TRMT44: variants seen among roughly 807,000 people sequenced by gnomAD.
TRMT44 encodes probable tRNA (uracil-O(2)-)-methyltransferase.
In TRMT44, 78 loss-of-function variants were observed where a neutral mutation model predicts 77.3. The ratio of observed to expected loss-of-function variants is 1.01; its 90% CI spans 0.84 to 1.22. The LOEUF (loss-of-function observed/expected upper bound fraction) is 1.22, where lower values mean the gene tolerates loss of function less well. Among genes scored for constraint, TRMT44 ranks in the 50% most tolerant of loss-of-function variants. The pLI, the probability that TRMT44 is intolerant of heterozygous loss-of-function variation, is 0.00. For synonymous variants in TRMT44, 391 were observed against 383.3 expected (o/e 1.02, Z -0.23); for missense variants, 1,090 against 964.4 (o/e 1.13, Z -1.73).
chr4:8,486,611 C>T (rs975817560), intron 2 of TRMT44, among the ~76,000 whole-genome samples: 66 of 151,682 alleles, frequency 4.4e-4, no homozygotes, highest in Middle Eastern at 6.8e-3. Flanking sequence ...TAAAGCGTCT[C>T]GGGGTTGCTG....
intron 6 of TRMT44, among the ~76,000 whole-genome samples, chr4:8,455,156 C>G (rs1725725406): frequency 6.6e-6 from 1 of 152,174 alleles, no homozygotes; most frequent in African/African-American, 2.4e-5. Context: ...CCAAGGCCTC[C>G]CAAAGGCTGC....
intron 6 of TRMT44, among the ~76,000 whole-genome samples, chr4:8,462,144 C>G (rs571634999): frequency 3.2e-4 from 48 of 152,358 alleles, no homozygotes; most frequent in African/African-American, 1.1e-3. Flanking sequence ...GGTGTGGTGG[C>G]TCACGCCTGT....
Position 8,440,814 on chromosome 4 carries a change from C to G in TRMT44, c.-9C>G. On this transcript the variant is annotated 5_prime_UTR_variant, in exon 1 of 11. Coordinates refer to ENST00000389737, the MANE Select transcript of TRMT44 (RefSeq NM_152544.3). Reference sequence around the variant, plus strand: ...CGCCGCTGCCAGGGCTGTACACCTGCTGGCTGCCATGGCTGAGGTGGGCCG... The same window carrying G: ...CGCCGCTGCCAGGGCTGTACACCTGGTGGCTGCCATGGCTGAGGTGGGCCG... 5 of 1,445,830 alleles carry G rather than the reference C, an allele frequency of 3.5e-6. No homozygotes were observed. Among genetic ancestry groups the G allele is most frequent in the Non-Finnish European group, 4.5e-6 (5 of 1,102,680 alleles). The allele number at this position is 1,445,830 out of a possible 1,614,324, so 89.6% of individuals were successfully genotyped here.
chr4:8,488,073 G>A (rs1274659232), intron 2 of TRMT44, among the ~76,000 whole-genome samples: 2 of 152,196 alleles, frequency 1.3e-5, no homozygotes, highest in South Asian at 2.1e-4. Flanking sequence ...TTGAGTGATA[G>A]TGAGGGAGGT....
the TRMT44 span, among the ~76,000 whole-genome samples, chr4:8,504,023 C>T: frequency 2.2e-4 from 34 of 152,288 alleles, no homozygotes; most frequent in Middle Eastern, 3.4e-3. This position sits in a 1 kb window ranked among gnomAD's most constrained non-coding sequence, Gnocchi z 5.3. Context: ...CTGCAGTCCC[C>T]GCACCCGTCC....
chr4:8,447,923 A>G (rs1725167963), intron 2 of TRMT44, among the ~76,000 whole-genome samples: 1 of 152,150 alleles, frequency 6.6e-6, no homozygotes. Context: ...CACCTGGTGC[A>G]GGGCGGGGTT....
the TRMT44 span, among the ~76,000 whole-genome samples, chr4:8,502,631 G>A: frequency 6.6e-6 from 1 of 150,566 alleles, no homozygotes; most frequent in Admixed American, 6.7e-5. Flanking sequence ...GACTTGTTGT[G>A]CCTCAGTTTC....
At chr4:8,507,756 A>G in the TRMT44 span, among the ~76,000 whole-genome samples, 1 of 152,112 alleles carries the variant, frequency 6.6e-6, no homozygotes, top group Non-Finnish European at 1.5e-5. Context: ...ACTTGAGGAG[A>G]CACAGCGTGT....
At position 8,451,465 on chromosome 4, in the gene TRMT44, T is replaced by A. The variant is rs963907976; in HGVS notation, c.955-495T>A. Among the ~76,000 whole-genome samples the A allele has an allele frequency of 4.5e-4, 68 of 152,192 alleles. No homozygotes were observed. Among genetic ancestry groups the A allele is most frequent in the African/African-American group, 1.6e-3 (68 of 41,440 alleles). ...TGTTTGCACAGCTAGTGCTTTACAGTTTTCAGAGCACCTTGATTATCCTGT... is the reference window on the plus strand; with the variant it reads ...TGTTTGCACAGCTAGTGCTTTACAGATTTCAGAGCACCTTGATTATCCTGT... On this transcript the variant is annotated intron_variant, in intron 3 of 10. Transcript: ENST00000389737. This position sits in a 1 kb window ranked among gnomAD's most constrained non-coding sequence, Gnocchi z 4.1.
At chr4:8,512,181 C>T in the TRMT44 span, 3 of 152,062 alleles carry the variant, frequency 2.0e-5, no homozygotes, top group African/African-American at 7.2e-5. Context: ...ATTCTCCTGC[C>T]TCAGCCTCCT....
intron 1 of TRMT44, among the ~76,000 whole-genome samples, chr4:8,443,024 A>C (rs575380522): frequency 6.6e-6 from 1 of 152,074 alleles, no homozygotes; most frequent in Non-Finnish European, 1.5e-5. Flanking sequence ...CGGCATGGAC[A>C]CTTTTGGGAG....
intron 6 of TRMT44, among the ~76,000 whole-genome samples, chr4:8,462,133 G>A (rs1004976728): frequency 2.6e-5 from 4 of 152,224 alleles, no homozygotes; most frequent in East Asian, 1.9e-4. Flanking sequence ...CATAAAAGCC[G>A]GGTGTGGTGG....
chr4:8,452,839 G>C lies in TRMT44; in HGVS notation c.1024-43G>C. ...TGTGTCTAAATTATTCTTGCGTAGA[G>C]TGAATTACCACCTGACTTTGTTTTG... On this transcript the variant is annotated intron_variant, in intron 4 of 10. Transcript: ENST00000389737. The surrounding 1 kb of genome is among the most constrained non-coding windows in gnomAD (Gnocchi z 5.7). The C allele has an allele frequency of 8.2e-7, 1 of 1,217,326 alleles. No individual in the cohort carries two copies. The highest frequency in any genetic ancestry group is 1.1e-6 in the Non-Finnish European group (1 of 874,478). The allele number at this position is 1,217,326 out of a possible 1,614,324, so 75.4% of individuals were successfully genotyped here. A position where few individuals can be genotyped will look rare whatever the true frequency, so the allele number is the denominator to read the frequency against.
chr4:8,486,162 G>A (rs931148257), intron 2 of TRMT44, among the ~76,000 whole-genome samples: 25 of 152,164 alleles, frequency 1.6e-4, no homozygotes, highest in East Asian at 5.8e-4. Context: ...GTGGGGTCCC[G>A]CACAGATGGG....
In TRMT44 at chr4:8,465,331, C is replaced by T. The variant is rs376831517; in HGVS notation, c.1311-47C>T. On this transcript the variant is annotated intron_variant, in intron 7 of 10. Coordinates refer to ENST00000389737, the MANE Select transcript of TRMT44 (RefSeq NM_152544.3). ...GCTTTGTTCCGAATTTCCTTGACTG[C>T]GTCTGCTCAGGATGCTTGACCCTGT... 10 of 1,541,878 alleles carry T rather than the reference C, an allele frequency of 6.5e-6. No homozygotes were observed. In the African/African-American group the frequency reaches 8.3e-5, roughly 13 times the overall value.
At position 8,475,952 on chromosome 4, in the gene TRMT44, C is replaced by T. The variant is rs565382886; in HGVS notation, c.2225C>T (p.Pro742Leu). 3 of 1,614,152 alleles carry T rather than the reference C, an allele frequency of 1.9e-6. No individual in the cohort carries two copies. The East Asian group carries it at 6.7e-5, about 36-fold the overall frequency. ...STDCCPFAHG[P>L]AELRPPRTTP... ...GACTGCTGCCCGTTTGCCCATGGGC[C>T]TGCGGAGCTGCGGCCACCCCGGACC... Residue 742 changes from proline to leucine, a missense_variant, in exon 11 of 11, where the codon CCT (proline) becomes CTT (leucine). Coordinates refer to ENST00000389737, the MANE Select transcript of TRMT44 (RefSeq NM_152544.3).
chr4:8,450,637 A>AC (rs1401155554), intron 3 of TRMT44, among the ~76,000 whole-genome samples: 4 of 152,040 alleles, frequency 2.6e-5, no homozygotes, highest in Admixed American at 6.6e-5. Context: ...GAAGTCAGGG[A>AC]CCCCGAATTG....
the TRMT44 span, chr4:8,511,817 G>A: frequency 6.6e-6 from 1 of 151,974 alleles, no homozygotes; most frequent in Non-Finnish European, 1.5e-5. Flanking sequence ...TGCCTGCACC[G>A]GCATTTCTTC....
At chr4:8,505,095 A>T in the TRMT44 span, among the ~76,000 whole-genome samples, 1 of 152,188 alleles carries the variant, frequency 6.6e-6, no homozygotes, top group East Asian at 1.9e-4. Flanking sequence ...CCTCTCAGGA[A>T]GAGGCGGTGC....
Sources: allele counts gnomAD v4.1 joint callset (sites outside exome capture counted in the v4.1 genomes callset), GRCh38; gene constraint gnomAD v4.1.1; non-coding constraint Gnocchi (gnomAD v3.1); transcripts MANE v1.5; gene names NCBI Gene and HGNC (gene_info 2026-07-23, HGNC 2026-07-21).